Variants in IQCE observed in about 807,000 individuals in gnomAD.
IQCE encodes IQ motif containing E.
IQCE carries 115 observed loss-of-function variants against 96.0 expected under a neutral mutation model. The observed-to-expected ratio is 1.20, with a 90% CI of 1.03 to 1.40. The LOEUF is 1.40. Ranked by LOEUF, IQCE falls within the 40% of genes most tolerant of loss-of-function variation. The probability of loss-of-function intolerance (pLI) is 0.00; values close to 1 mark genes in which losing one functional copy is unlikely to be tolerated. For missense variants in IQCE, 1,041 were observed against 909.1 expected, an observed-to-expected ratio of 1.15 and a Z score of -1.87; for synonymous variants, 412 against 371.2, an observed-to-expected ratio of 1.11 and a Z score of -1.26.
chr7:2,606,061 G>C, intron 20 of IQCE, 64 bp downstream of exon 20: 1 of 1,528,976 alleles, frequency 6.5e-7, no homozygotes, highest in Non-Finnish European at 8.8e-7. Flanking sequence ...ACCGCACTGG[G>C]CCCGGAGCAC....
At position 2,587,794 on chromosome 7, in the gene IQCE, C is replaced by T. The variant is rs2304539; in HGVS notation, c.989-28C>T. On this transcript the variant is annotated intron_variant, in intron 12 of 21. Transcript: ENST00000402050. ...CTGCTGGCAGTGCCCACCAGGATGC[C>T]GTTTTGAAACCGCATTGCTTCCATC... 1.8e-4 allele frequency: 293 copies of T among 1,612,408 alleles called. 3 individuals are homozygous for T. In the East Asian group the frequency reaches 5.2e-3, roughly 29 times the overall value.
intron 10 of IQCE, 21 bp from the exon 11 acceptor site, chr7:2,584,215 A>G (rs779186000): frequency 1.2e-6 from 2 of 1,610,400 alleles, no homozygotes; most frequent in African/African-American, 1.3e-5. Flanking sequence ...GTTTTCATGC[A>G]TTTCAATTTG....
chr7:2,568,819 C>T (rs186144968), intron 2 of IQCE, 135 bp from the exon 3 acceptor site: 2 of 758,952 alleles, frequency 2.6e-6, no homozygotes, highest in East Asian at 2.6e-5. Context: ...TTCCTGGACC[C>T]TCCTTACGTC....
chr7:2,583,516 C>T (rs558846735), intron 9 of IQCE, 121 bp from the exon 10 acceptor site: 2 of 524,288 alleles, frequency 3.8e-6, no homozygotes, highest in South Asian at 2.4e-5. Context: ...AGGCTTTTCC[C>T]TCCCATCCTG....
intron 16 of IQCE, among the ~76,000 whole-genome samples, chr7:2,596,120 G>A (rs1784017737): frequency 6.6e-6 from 1 of 152,214 alleles, no homozygotes; most frequent in Non-Finnish European, 1.5e-5. Context: ...GATAAAACCA[G>A]TAGAAGCCAC....
intron 1 of IQCE, among the ~76,000 whole-genome samples, chr7:2,562,593 CTT>C (rs34651630): frequency 0.017 from 2,356 of 142,340 alleles, 28 homozygotes; most frequent in Non-Finnish European, 0.026. Context: ...GTGAGGCCCC[CTT>C]TTTTTTTTTT....
chr7:2,593,173 C>G, intron 15 of IQCE, 47 bp downstream of exon 15: 1 of 1,554,648 alleles, frequency 6.4e-7, no homozygotes, highest in South Asian at 1.2e-5. Context: ...CGAGTCCGCA[C>G]TCCTGCTACC....
chr7:2,569,368 T>C (rs1781598954), intron 3 of IQCE, among the ~76,000 whole-genome samples: 1 of 152,220 alleles, frequency 6.6e-6, no homozygotes. Context: ...ATTTTTGACC[T>C]GGGATTTGTT....
rs1214818961 is a variant in IQCE at position 2,583,920 on chromosome 7, G to A, written c.774+211G>A. 2.0e-3 allele frequency among the ~76,000 whole-genome samples: 53 copies of A among 26,204 alleles called. 2 individuals carry two copies. Among genetic ancestry groups the A allele is most frequent in the Non-Finnish European group, 3.4e-3 (42 of 12,344 alleles). 17.2% of individuals were successfully genotyped at this position (26,204 alleles called of 152,430 possible). On this transcript the variant is annotated intron_variant, in intron 10 of 21. Coordinates refer to ENST00000402050, the MANE Select transcript of IQCE (RefSeq NM_152558.5). ...CGTGCTGGGCGGCGGGGCGGGCACC[G>A]AGCTGGGCGGCGGGGCGGGCACCGA...
At chr7:2,563,893 C>CAAAAAAAAA (rs34269895) in intron 1 of IQCE, among the ~76,000 whole-genome samples, 2 of 59,972 alleles carry the variant, frequency 3.3e-5, no homozygotes, top group African/African-American at 1.4e-4. Context: ...GACTCCATCT[C>CAAAAAAAAA]AAAAAAAAAA....
chr7:2,573,294 C>T, intron 5 of IQCE, 124 bp from the exon 6 acceptor site: 4 of 619,028 alleles, frequency 6.5e-6, no homozygotes, highest in Non-Finnish European at 1.1e-5. Flanking sequence ...ATTATTTTGG[C>T]TTTTTTATTT....
intron 16 of IQCE, chr7:2,598,188 C>T (rs1459394075): frequency 2.9e-6 from 1 of 339,820 alleles, no homozygotes; most frequent in African/African-American, 2.1e-5. Context: ...GAAGCGTCCT[C>T]TCTCCCTCCC....
At chr7:2,565,294 G>A (rs1001076325) in intron 1 of IQCE, among the ~76,000 whole-genome samples, 7 of 152,152 alleles carry the variant, frequency 4.6e-5, no homozygotes, top group African/African-American at 1.7e-4. Flanking sequence ...GTATTCTGCT[G>A]ACTGGTGTCA....
At chr7:2,606,084 A>T in intron 20 of IQCE, 87 bp downstream of exon 20, 1 of 1,430,542 alleles carries the variant, frequency 7.0e-7, no homozygotes, top group Non-Finnish European at 9.2e-7. Flanking sequence ...GGTGCAGGGC[A>T]TGTGGCGGAA....
chr7:2,605,605 GCGAGACTCCATCTCAAAAA>G (rs1296714200), intron 19 of IQCE, among the ~76,000 whole-genome samples: 1 of 151,912 alleles, frequency 6.6e-6, no homozygotes, highest in Non-Finnish European at 1.5e-5. Context: ...GGGCAACAGA[GCGAGACTCCATCTCAAAAA>G]TAAATAAATA....
Position 2,568,825 on chromosome 7 carries a change from A to C in IQCE, c.85-129A>C, listed in dbSNP as rs903487040. ...CGTGTCCTGTTCCTGGACCCTCCTT[A>C]CGTCCCCGTAAGCTCACGTCCTCTT... On this transcript the variant is annotated intron_variant, in intron 2 of 21. Coordinates refer to ENST00000402050, the MANE Select transcript of IQCE (RefSeq NM_152558.5). 5.0e-6 allele frequency: 4 copies of C among 794,688 alleles called. No individual in the cohort carries two copies. The African/African-American group carries it at 6.9e-5, about 14-fold the overall frequency. The allele number at this position is 794,688 out of a possible 1,614,324, so 49.2% of individuals were successfully genotyped here. A position where few individuals can be genotyped will look rare whatever the true frequency, so the allele number is the denominator to read the frequency against.
intron 9 of IQCE, among the ~76,000 whole-genome samples, 194 bp from the exon 10 acceptor site, chr7:2,583,443 A>G (rs940497095): frequency 3.3e-5 from 5 of 152,058 alleles, no homozygotes; most frequent in Admixed American, 2.0e-4. Context: ...AGCGTGAGGA[A>G]TTCTCCCATC....
chr7:2,598,604 A>G lies in IQCE; in HGVS notation c.1580A>G (p.Gln527Arg), dbSNP rs1420252338. 1.9e-6 allele frequency: 3 copies of G among 1,588,760 alleles called. No homozygotes were observed. The highest frequency in any genetic ancestry group is 2.6e-6 in the Non-Finnish European group (3 of 1,167,690). ...GRRDAAARVL[Q>R]AQWKVYKHKK... Reference sequence around the variant, plus strand: ...AGAGACGCCGCGGCCAGAGTCCTGCAGGCCCAGTGGAAGGTGTACAAGCAC... The same window carrying G: ...AGAGACGCCGCGGCCAGAGTCCTGCGGGCCCAGTGGAAGGTGTACAAGCAC... The change falls in exon 17 of 22, where the codon CAG (glutamine) becomes CGG (arginine). Residue 527 changes from glutamine (Q) to arginine (R), a missense_variant. Gln to Arg is a conservative substitution (Grantham distance 43). Transcript: ENST00000402050.
At chr7:2,599,504 C>CT (rs1255968431) in intron 17 of IQCE, among the ~76,000 whole-genome samples, 2 of 150,208 alleles carry the variant, frequency 1.3e-5, no homozygotes, top group African/African-American at 2.4e-5. Context: ...CCTTTTTTTT[C>CT]TTTTTTCATA....
Sources: allele counts gnomAD v4.1 joint callset (sites outside exome capture counted in the v4.1 genomes callset), GRCh38; gene constraint gnomAD v4.1.1; transcripts MANE v1.5; gene names NCBI Gene and HGNC (gene_info 2026-07-23, HGNC 2026-07-21).